NXPE1: variants seen among roughly 807,000 people sequenced by gnomAD.
NXPE1 encodes the protein neurexophilin and PC-esterase domain family member 1.
NXPE1 carries 31 observed loss-of-function variants against 33.3 expected under a neutral mutation model. The observed-to-expected ratio is 0.93, with a 90% CI of 0.70 to 1.26. The LOEUF (loss-of-function observed/expected upper bound fraction) is 1.26, where lower values mean the gene tolerates loss of function less well. Ranked by LOEUF, NXPE1 falls within the 50% of genes most tolerant of loss-of-function variation. The pLI is 0.00. For synonymous variants in NXPE1, 229 were observed against 231.4 expected (o/e 0.99, Z 0.09); for missense variants, 661 against 655.6 (o/e 1.01, Z -0.09).
At chr11:114,533,784 CG>C (rs1169979183) in intron 5 of NXPE1, among the ~76,000 whole-genome samples, 1 of 152,194 alleles carries the variant, frequency 6.6e-6, no homozygotes, top group Non-Finnish European at 1.5e-5. Context: ...ACAAAGCGGC[CG>C]GGAAGCTCAA....
chr11:114,525,281 T>C (rs986980087), intron 7 of NXPE1, among the ~76,000 whole-genome samples: 2 of 151,910 alleles, frequency 1.3e-5, no homozygotes, highest in African/African-American at 4.8e-5. Context: ...AGAAATAGAT[T>C]CCATTATATT....
intron 4 of NXPE1, 79 bp from the exon 5 acceptor site, chr11:114,551,290 A>C: frequency 3.8e-6 from 5 of 1,327,626 alleles, no homozygotes; most frequent in Non-Finnish European, 5.0e-6. Context: ...TATAACTTGT[A>C]ATTTGCCTCC....
chr11:114,534,116 T>G (rs1222043817), intron 5 of NXPE1, among the ~76,000 whole-genome samples: 1 of 152,156 alleles, frequency 6.6e-6, no homozygotes, highest in Non-Finnish European at 1.5e-5. Context: ...GCAGCAGCAT[T>G]TGCGGTTAAC....
chr11:114,542,375 A>G (rs899945113), intron 5 of NXPE1, among the ~76,000 whole-genome samples: 11 of 152,198 alleles, frequency 7.2e-5, no homozygotes, highest in African/African-American at 2.7e-4. Flanking sequence ...TTCCTAAGGA[A>G]TCTACTAAAC....
Position 114,523,123 on chromosome 11 carries a change from T to C in NXPE1, c.896-32A>G, listed in dbSNP as rs762492934. 5.3e-6 allele frequency: 8 copies of C among 1,518,638 alleles called. No individual in the cohort carries two copies. In the Admixed American group the frequency reaches 8.4e-5, roughly 16 times the overall value. The allele number at this position is 1,518,638 out of a possible 1,614,324, so 94.1% of individuals were successfully genotyped here. ...ACAAAGACACTCGTAAATGATTTTA[T>C]TGGCAAAACTTAGACATCTAGCCTT... On this transcript the variant is annotated intron_variant, in intron 7 of 8. Coordinates refer to ENST00000534921, the Ensembl canonical transcript of NXPE1.
exon 6 of NXPE1, chr11:114,530,347 C>T: frequency 6.2e-7 from 1 of 1,614,170 alleles, no homozygotes; most frequent in Non-Finnish European, 8.5e-7. Context: ...AGGGTCAGGC[C>T]ACATTCAGTG....
intron 7 of NXPE1, among the ~76,000 whole-genome samples, chr11:114,525,224 C>T (rs572246352): frequency 6.6e-6 from 1 of 151,970 alleles, no homozygotes; most frequent in African/African-American, 2.4e-5. Flanking sequence ...TTTGGCCTCT[C>T]AGCTTCCTCA....
At chr11:114,531,475 T>C (rs1193801568) in intron 5 of NXPE1, among the ~76,000 whole-genome samples, 1 of 152,214 alleles carries the variant, frequency 6.6e-6, no homozygotes, top group African/African-American at 2.4e-5. Flanking sequence ...TTTCTCTCCA[T>C]TTAATTTCCT....
At chr11:114,545,434 T>C (rs1948242923) in intron 5 of NXPE1, among the ~76,000 whole-genome samples, 1 of 148,204 alleles carries the variant, frequency 6.7e-6, no homozygotes, top group East Asian at 1.9e-4. Flanking sequence ...GAATCTTAAA[T>C]GCATAATGCT....
intron 1 of NXPE1, among the ~76,000 whole-genome samples, chr11:114,555,655 C>T (rs1162944665): frequency 6.6e-6 from 1 of 152,212 alleles, no homozygotes; most frequent in African/African-American, 2.4e-5. Context: ...ATTTTGTCCT[C>T]CTCCTGTGCA....
chr11:114,554,394 CA>C (rs1436707191), intron 1 of NXPE1: 1 of 984,956 alleles, frequency 1.0e-6, no homozygotes, highest in Non-Finnish European at 1.2e-6. Flanking sequence ...GAGGTGATGA[CA>C]ATATTCCAGA....
intron 1 of NXPE1, among the ~76,000 whole-genome samples, chr11:114,557,569 G>T (rs1407047757): frequency 2.0e-5 from 3 of 147,156 alleles, no homozygotes; most frequent in African/African-American, 7.4e-5. Context: ...GGGACTATAG[G>T]CACTCACCAC....
At chr11:114,524,249 A>C (rs1565296120) in intron 7 of NXPE1, among the ~76,000 whole-genome samples, 1 of 140,766 alleles carries the variant, frequency 7.1e-6, no homozygotes. Context: ...GATATAAGAA[A>C]GGATAGCCAT....
At chr11:114,548,083 A>T (rs1184681005) in intron 5 of NXPE1, among the ~76,000 whole-genome samples, 2 of 152,188 alleles carry the variant, frequency 1.3e-5, no homozygotes, top group African/African-American at 2.4e-5. Context: ...CATAACCAAA[A>T]AAGTATTAAG....
rs1381551533 is a variant in NXPE1, at chr11:114,529,991, A to T, written c.833+184T>A. On this transcript the variant is annotated intron_variant, in intron 6 of 8. Transcript: ENST00000534921. ...ATAGCAAAACACATGACTGAATGGG[A>T]CAATATAGTGAAAATGCAAACTTTG... The T allele has an allele frequency of 2.0e-5, 12 of 593,022 alleles. No homozygotes were observed. The Admixed American group carries it at 2.2e-4, about 11-fold the overall frequency. The allele number at this position is 593,022 out of a possible 1,614,324, so 36.7% of individuals were successfully genotyped here. A position where few individuals can be genotyped will look rare whatever the true frequency, so the allele number is the denominator to read the frequency against.
chr11:114,546,390 T>C (rs1948283433), intron 5 of NXPE1, among the ~76,000 whole-genome samples: 1 of 152,156 alleles, frequency 6.6e-6, no homozygotes, highest in African/African-American at 2.4e-5. Context: ...TTAATATAGA[T>C]TGAAATGGAT....
chr11:114,547,336 C>G lies in NXPE1; in HGVS notation c.99+3767G>C, dbSNP rs1265367159. 2.0e-5 allele frequency among the ~76,000 whole-genome samples: 3 copies of G among 152,170 alleles called. No individual in the cohort carries two copies. The East Asian group carries it at 5.8e-4, about 29-fold the overall frequency. On this transcript the variant is annotated intron_variant, in intron 5 of 8. Coordinates refer to ENST00000534921, the Ensembl canonical transcript of NXPE1. ...TTCTGTTTAACCATGAGAAAAATAA[C>G]AGACAAACTAACATGGAAGGACAGT... is the stretch of plus-strand genomic sequence containing the variant.
intron 5 of NXPE1, among the ~76,000 whole-genome samples, chr11:114,534,021 TG>T (rs893620892): frequency 3.3e-5 from 5 of 152,186 alleles, no homozygotes; most frequent in African/African-American, 1.2e-4. Context: ...GTAGCCTAAC[TG>T]GGAGGCACCC....
chr11:114,535,114 G>A (rs1192384439), intron 5 of NXPE1, among the ~76,000 whole-genome samples: 1 of 152,176 alleles, frequency 6.6e-6, no homozygotes, highest in Non-Finnish European at 1.5e-5. Context: ...AGAAGAGAGT[G>A]GGGACCAATA....
Sources: gnomAD v4.1 joint callset for allele counts (sites outside exome capture counted in the v4.1 genomes callset) on GRCh38, gnomAD v4.1.1 for gene constraint, MANE v1.5 for transcripts, NCBI Gene and HGNC (gene_info 2026-07-23, HGNC 2026-07-21) for gene names.